The following GRIP1 variants were observed in gnomAD, a reference collection of about 807,000 sequenced individuals.
GRIP1 encodes the protein glutamate receptor interacting protein 1.
In GRIP1, 45 loss-of-function variants were observed where a neutral mutation model predicts 129.9. The observed-to-expected ratio is 0.35, with a 90% CI of 0.27 to 0.44. GRIP1 has a LOEUF of 0.44. Ranked by LOEUF, GRIP1 falls within the 20% of genes least tolerant of loss-of-function variation. The pLI is 1.00. For missense variants in GRIP1, 1,196 were observed against 1,396.8 expected (o/e 0.86, Z 2.29); for synonymous variants, 530 against 520.8 (o/e 1.02, Z -0.24).
chr12:66,651,368 G>T (rs2032781919), intron 1 of GRIP1, among the ~76,000 whole-genome samples: 1 of 152,184 alleles, frequency 6.6e-6, no homozygotes, highest in African/African-American at 2.4e-5. Context: ...AGAGGCATCA[G>T]CAAAATTTAA....
chr12:66,500,426 G>A (rs2060359348), intron 7 of GRIP1, among the ~76,000 whole-genome samples: 1 of 152,178 alleles, frequency 6.6e-6, no homozygotes, highest in Admixed American at 6.5e-5. Context: ...AGCAGAGGTA[G>A]GTCTGGGAAA....
chr12:66,872,093 G>A (rs745909347), intron 1 of GRIP1, among the ~76,000 whole-genome samples: 1 of 151,990 alleles, frequency 6.6e-6, no homozygotes, highest in Non-Finnish European at 1.5e-5. Flanking sequence ...CTTCCTAACA[G>A]CAGAATCTAG....
intron 2 of GRIP1, among the ~76,000 whole-genome samples, chr12:66,579,863 T>C (rs1410248337): frequency 6.7e-6 from 1 of 149,690 alleles, no homozygotes; most frequent in East Asian, 1.9e-4. Context: ...ACTTCCCCAA[T>C]CTAGCAAGGC....
chr12:66,459,811 A>C (rs905449788), intron 9 of GRIP1, among the ~76,000 whole-genome samples: 1 of 152,196 alleles, frequency 6.6e-6, no homozygotes, highest in Non-Finnish European at 1.5e-5. Flanking sequence ...GTACACTCCA[A>C]ATGTTTTCTG....
At position 66,414,726 on chromosome 12, in the gene GRIP1, C is replaced by T. The variant is rs139310162; in HGVS notation, c.1838+5994G>A. 6.4e-3 allele frequency among the ~76,000 whole-genome samples: 978 copies of T among 151,696 alleles called. 13 individuals carry two copies. Among genetic ancestry groups the T allele is most frequent in the African/African-American group, 0.022 (905 of 41,360 alleles). On this transcript the variant is annotated intron_variant, in intron 15 of 24. Coordinates refer to ENST00000359742, the MANE Select transcript of GRIP1 (RefSeq NM_001366722.1). The stretch of plus-strand genomic sequence containing the variant: ...CAAGGCTACAGTAACCAAAACAGCA[C>T]GGTACTGGTACAAAAGCAGACATAT...
At chr12:66,898,767 G>A (rs1051293960) in intron 1 of GRIP1, among the ~76,000 whole-genome samples, 9 of 152,144 alleles carry the variant, frequency 5.9e-5, no homozygotes, top group African/African-American at 2.2e-4. Flanking sequence ...TCCAGCTTGT[G>A]CCCAATGTAG....
chr12:66,570,104 C>CATGTATGTATGT lies in GRIP1; in HGVS notation c.136+26731_136+26742dup, dbSNP rs58598900. 6.9e-3 allele frequency among the ~76,000 whole-genome samples: 1,034 copies of CATGTATGTATGT among 150,826 alleles called. 14 individuals carry two copies. The highest frequency in any genetic ancestry group is 0.024 in the African/African-American group (977 of 40,950). ...GTTGGGGGGTAGTTTGTAGGCATTG[C>CATGTATGTATGT]ATGTATGTATGTATGTATGTATGTA... On this transcript the variant is annotated intron_variant, in intron 2 of 24. Coordinates refer to ENST00000359742, the MANE Select transcript of GRIP1 (RefSeq NM_001366722.1).
At chr12:66,582,987 C>T (rs1392566077) in intron 2 of GRIP1, among the ~76,000 whole-genome samples, 23 of 148,562 alleles carry the variant, frequency 1.5e-4, no homozygotes, top group South Asian at 1.5e-3. Context: ...GGAGGCATCA[C>T]GCTACCTGAC....
intron 1 of GRIP1, among the ~76,000 whole-genome samples, chr12:66,710,280 T>C (rs2035671304): frequency 6.6e-6 from 1 of 151,956 alleles, no homozygotes; most frequent in African/African-American, 2.4e-5. Context: ...ACTCTGCCCT[T>C]TGGGAGATTA....
chr12:66,531,403 G>A (rs2061462103), intron 4 of GRIP1, among the ~76,000 whole-genome samples: 1 of 150,220 alleles, frequency 6.7e-6, no homozygotes, highest in African/African-American at 2.4e-5. Context: ...GAAATAGCAA[G>A]TAGTTTTAGG....
intron 1 of GRIP1, among the ~76,000 whole-genome samples, chr12:66,731,887 T>G (rs1202482835): frequency 6.6e-6 from 1 of 152,186 alleles, no homozygotes; most frequent in Non-Finnish European, 1.5e-5. Context: ...ACACATAAAA[T>G]ATGTTGAGGA....
intron 8 of GRIP1, among the ~76,000 whole-genome samples, chr12:66,464,953 TC>T (rs63566062): frequency 0.19 from 27,732 of 144,362 alleles, 2,981 homozygotes; most frequent in African/African-American, 0.23. Flanking sequence ...TTTCTTTCTT[TC>T]TTTTTTTTTT....
chr12:66,349,035 G>T lies in GRIP1; in HGVS notation c.3371C>A (p.Pro1124His). ...AAAGCGTTGCTATAATGTATTAGTG[G>T]GTTCTCGTGTCTCCAAATTACCACC... ...SHGGNLETRE[P>H]TNTL The change falls in exon 25 of 25, where the codon CCC becomes CAC. Residue 1124 changes from proline (P) to histidine (H), a missense_variant. Around this residue, in one of 5 missense-constraint regions of GRIP1, gnomAD observed 427 missense variants for 463.3 expected, o/e 0.92. Transcript: ENST00000359742. The T allele has an allele frequency of 6.2e-7, 1 of 1,609,930 alleles. No homozygotes were observed. The highest frequency in any genetic ancestry group is 8.5e-7 in the Non-Finnish European group (1 of 1,176,158).
At chr12:66,823,861 T>C (rs117611594) in intron 1 of GRIP1, among the ~76,000 whole-genome samples, 598 of 152,306 alleles carry the variant, frequency 3.9e-3, no homozygotes, top group Non-Finnish European at 6.6e-3. Flanking sequence ...TTTACTGTCA[T>C]GTTTGGGCTA....
chr12:67,013,853 C>T (rs116561801), intron 1 of GRIP1, among the ~76,000 whole-genome samples: 2,851 of 152,272 alleles, frequency 0.019, 84 homozygotes, highest in African/African-American at 0.065. Context: ...TCACTAATTG[C>T]TGCAATATAT....
intron 7 of GRIP1, among the ~76,000 whole-genome samples, chr12:66,488,596 T>G (rs773883920): frequency 2.6e-5 from 4 of 152,072 alleles, no homozygotes; most frequent in Non-Finnish European, 4.4e-5. Flanking sequence ...ACTCAAAAGC[T>G]AGCAGAGGAC....
Position 66,456,182 on chromosome 12 carries a change from A to G in GRIP1, c.1198+5T>C, listed in dbSNP as rs780491310. 2.3e-6 allele frequency: 3 copies of G among 1,285,748 alleles called. No homozygotes were observed. Among genetic ancestry groups the G allele is most frequent in the Non-Finnish European group, 3.0e-6 (3 of 984,928 alleles). The allele number at this position is 1,285,748 out of a possible 1,614,324, so 79.6% of individuals were successfully genotyped here. ...AGACCAGGAGGAGAAAGCATGGAAC[A>G]TTACGAGGGCTGTTTGGAGGAGGTG... On this transcript the variant is annotated splice_donor_5th_base_variant and intron_variant, in intron 10 of 24. Transcript: ENST00000359742.
intron 1 of GRIP1, among the ~76,000 whole-genome samples, chr12:66,874,921 T>TTA (rs914289216): frequency 2.7e-5 from 4 of 149,906 alleles, no homozygotes; most frequent in African/African-American, 9.8e-5. Context: ...AGCTTACACA[T>TTA]TAGCAGCCTT....
At chr12:66,370,096 G>T (rs1160006495) in intron 23 of GRIP1, among the ~76,000 whole-genome samples, 1 of 152,076 alleles carries the variant, frequency 6.6e-6, no homozygotes, top group African/African-American at 2.4e-5. Flanking sequence ...ACATCCCTTT[G>T]CACCTGCTTT....
Sources: allele counts gnomAD v4.1 joint callset (sites outside exome capture counted in the v4.1 genomes callset), GRCh38; gene constraint gnomAD v4.1.1; regional missense constraint gnomAD v4.1.1; transcripts MANE v1.5; gene names NCBI Gene and HGNC (gene_info 2026-07-23, HGNC 2026-07-21).